The following PHIP variants were observed in gnomAD, a reference collection of about 807,000 sequenced individuals.
The protein encoded by PHIP is PHIP subunit of CUL4-Ring ligase complex, also known as PH-interacting protein.
PHIP carries 54 observed loss-of-function variants against 236.8 expected under a neutral mutation model. That is an observed-to-expected ratio of 0.23 (90% CI 0.18 to 0.29). The LOEUF is 0.29. Among genes scored for constraint, PHIP ranks in the 10% least tolerant of loss-of-function variants. PHIP has a pLI of 1.00. For missense variants in PHIP, 1,370 were observed against 2,190.8 expected (o/e 0.63, Z 7.48); for synonymous variants, 756 against 718.9 (o/e 1.05, Z -0.83).
intron 24 of PHIP, among the ~76,000 whole-genome samples, chr6:78,976,062 GC>G (rs1768036837): frequency 6.6e-6 from 1 of 151,914 alleles, no homozygotes; most frequent in Non-Finnish European, 1.5e-5. Flanking sequence ...GGCCCGCATT[GC>G]CAAGTCAATC....
intron 4 of PHIP, among the ~76,000 whole-genome samples, chr6:79,074,932 T>C (rs1774074552): frequency 6.6e-6 from 1 of 152,274 alleles, no homozygotes; most frequent in Non-Finnish European, 1.5e-5. Context: ...TTCAATGCGA[T>C]GTGATATATG....
chr6:78,946,164 G>A lies in PHIP; in HGVS notation c.4467C>T (p.His1489=), dbSNP rs770233093. 1.2e-6 allele frequency: 2 copies of A among 1,614,024 alleles called. No homozygotes were observed. Among genetic ancestry groups the A allele is most frequent in the Non-Finnish European group, 1.7e-6 (2 of 1,179,908 alleles). ...TTTTACCGTTTATCTGAGCAGCATTGTGTCTTGGCGGTATTGATCGTGTAG... is the reference window on the plus strand; with the variant it reads ...TTTTACCGTTTATCTGAGCAGCATTATGTCTTGGCGGTATTGATCGTGTAG... ...STPTRSIPPR[H]NAAQINGKTE... is the part of the protein sequence containing the mutation. Residue 1489 remains histidine, a synonymous_variant, in exon 38 of 40, where the codon CAC becomes CAT. Coordinates refer to ENST00000275034, the MANE Select transcript of PHIP (RefSeq NM_017934.7).
chr6:79,060,160 C>T (rs1773302068), intron 6 of PHIP, among the ~76,000 whole-genome samples: 1 of 151,546 alleles, frequency 6.6e-6, no homozygotes, highest in Non-Finnish European at 1.5e-5. Flanking sequence ...TTGTCTCCTA[C>T]CATTATAACT....
chr6:79,007,654 C>CTTTTTTT (rs35415106), intron 15 of PHIP, among the ~76,000 whole-genome samples: 3 of 116,634 alleles, frequency 2.6e-5, no homozygotes, highest in Non-Finnish European at 3.5e-5. Flanking sequence ...ATGTCTTGTT[C>CTTTTTTT]TTTTTTTTTT....
intron 4 of PHIP, among the ~76,000 whole-genome samples, chr6:79,072,574 C>T (rs1773942422): frequency 6.6e-6 from 1 of 152,108 alleles, no homozygotes; most frequent in Non-Finnish European, 1.5e-5. Context: ...CTTCAACCTC[C>T]CTGGGCTCAG....
At chr6:79,011,826 T>C (rs1344965261) in intron 15 of PHIP, among the ~76,000 whole-genome samples, 1 of 151,770 alleles carries the variant, frequency 6.6e-6, no homozygotes, top group Non-Finnish European at 1.5e-5. Context: ...TTTAATTTGC[T>C]GACAAATTTA....
intron 23 of PHIP, 94 bp from the exon 24 acceptor site, chr6:78,978,805 A>C: frequency 9.8e-7 from 1 of 1,023,180 alleles, no homozygotes; most frequent in Non-Finnish European, 1.4e-6. Context: ...ATAATTAAAT[A>C]AAAGGGGAAG....
chr6:78,939,233 T>C lies in PHIP; in HGVS notation c.*1460A>G, dbSNP rs187017324. 6.6e-6 allele frequency: 1 copy of C among 151,936 alleles called. No individual in the cohort carries two copies. The highest frequency in any genetic ancestry group is 1.9e-4 in the East Asian group (1 of 5,182). 9.4% of individuals were successfully genotyped at this position (151,936 alleles called of 1,614,324 possible). Reference sequence around the variant, plus strand: ...TAGCAATACATTCTCCTAAGTCATATAGTTATCATTTACAATAGACAACTT... The same window carrying C: ...TAGCAATACATTCTCCTAAGTCATACAGTTATCATTTACAATAGACAACTT... On this transcript the variant is annotated 3_prime_UTR_variant, in exon 40 of 40. Coordinates refer to ENST00000275034, the MANE Select transcript of PHIP (RefSeq NM_017934.7).
rs1161737173 is a variant in PHIP at position 78,940,281 on chromosome 6, T to C, written c.*412A>G. The C allele has an allele frequency of 6.6e-6, 1 of 151,912 alleles. No individual in the cohort carries two copies. Among genetic ancestry groups the C allele is most frequent in the Non-Finnish European group, 1.5e-5 (1 of 67,902 alleles). The allele number at this position is 151,912 out of a possible 1,614,324, so 9.4% of individuals were successfully genotyped here. On this transcript the variant is annotated 3_prime_UTR_variant, in exon 40 of 40. Coordinates refer to ENST00000275034, the MANE Select transcript of PHIP (RefSeq NM_017934.7). Reference sequence around the variant, plus strand: ...TTGTATCAATAGAAATGTACCTCACTTGGTCAAAAATAATTCATTTTAACA... The same window carrying C: ...TTGTATCAATAGAAATGTACCTCACCTGGTCAAAAATAATTCATTTTAACA...
chr6:78,950,050 G>A (rs1028915448), intron 35 of PHIP, among the ~76,000 whole-genome samples: 2 of 151,964 alleles, frequency 1.3e-5, no homozygotes, highest in East Asian at 1.9e-4. Flanking sequence ...TCCTGTGACC[G>A]CACTGACTTT....
At chr6:78,988,089 C>A in intron 21 of PHIP, 120 bp downstream of exon 21, 1 of 586,218 alleles carries the variant, frequency 1.7e-6, no homozygotes. Flanking sequence ...TATCATAAGA[C>A]CCCAAAATGC....
intron 23 of PHIP, among the ~76,000 whole-genome samples, chr6:78,979,083 T>C (rs929142164): frequency 1.3e-5 from 2 of 151,974 alleles, no homozygotes; most frequent in African/African-American, 4.8e-5. Flanking sequence ...AAATACTATA[T>C]GCCATTTTTT....
chr6:78,965,534 C>T (rs1767072223), intron 29 of PHIP, among the ~76,000 whole-genome samples, 169 bp downstream of exon 29: 1 of 152,168 alleles, frequency 6.6e-6, no homozygotes, highest in Non-Finnish European at 1.5e-5. Context: ...CTATCTTCTT[C>T]ACTGCTGAAT....
chr6:79,061,208 A>G (rs552231510), intron 4 of PHIP, among the ~76,000 whole-genome samples: 3 of 152,316 alleles, frequency 2.0e-5, no homozygotes, highest in South Asian at 4.1e-4. Flanking sequence ...TATTTTTATT[A>G]GTCTTTCAGT....
At chr6:79,004,660 G>A (rs1770187485) in intron 15 of PHIP, among the ~76,000 whole-genome samples, 1 of 152,044 alleles carries the variant, frequency 6.6e-6, no homozygotes, top group Non-Finnish European at 1.5e-5. Context: ...AAATGCTGTT[G>A]GATTTCTGGA....
intron 6 of PHIP, among the ~76,000 whole-genome samples, chr6:79,055,385 T>G (rs963852962): frequency 6.6e-5 from 10 of 152,184 alleles, no homozygotes; most frequent in South Asian, 4.1e-4. Flanking sequence ...CATGCACATT[T>G]ATTACTGAAG....
At chr6:78,973,641 T>G (rs1389730495) in intron 24 of PHIP, among the ~76,000 whole-genome samples, 1 of 143,030 alleles carries the variant, frequency 7.0e-6, no homozygotes, top group Non-Finnish European at 1.5e-5. Context: ...CCATCTCACC[T>G]GCAGAGACAC....
At chr6:79,074,754 T>C (rs1774066343) in intron 4 of PHIP, among the ~76,000 whole-genome samples, 1 of 152,140 alleles carries the variant, frequency 6.6e-6, no homozygotes, top group South Asian at 2.1e-4. Context: ...AATTTTAACC[T>C]GCAAACTTTT....
intron 24 of PHIP, among the ~76,000 whole-genome samples, chr6:78,973,616 C>T (rs1284189705): frequency 1.6e-5 from 2 of 124,380 alleles, no homozygotes; most frequent in African/African-American, 6.4e-5. Context: ...CATCAGTGTG[C>T]TGTATTCAGG....
Sources: gnomAD v4.1 joint callset for allele counts (sites outside exome capture counted in the v4.1 genomes callset) on GRCh38, gnomAD v4.1.1 for gene constraint, MANE v1.5 for transcripts, NCBI Gene and HGNC (gene_info 2026-07-23, HGNC 2026-07-21) for gene names.